Variants in STK3 observed in about 807,000 individuals in gnomAD.
The protein encoded by STK3 is serine/threonine-protein kinase 3.
Under a neutral mutation model 58.0 loss-of-function variants are expected in STK3, and 41 were observed. The ratio of observed to expected loss-of-function variants is 0.71; its 90% CI spans 0.55 to 0.92. The LOEUF (loss-of-function observed/expected upper bound fraction) is 0.92, where lower values mean the gene tolerates loss of function less well. Ranked by LOEUF, STK3 falls within the 40% of genes least tolerant of loss-of-function variation. The pLI is 0.00. For missense variants in STK3, 479 were observed against 602.7 expected (o/e 0.79, Z 2.15); for synonymous variants, 170 against 191.0 (o/e 0.89, Z 0.91).
chr8:98,777,167 G>T (rs1032570576), intron 1 of STK3, among the ~76,000 whole-genome samples: 5 of 152,124 alleles, frequency 3.3e-5, no homozygotes, highest in African/African-American at 4.8e-5. Flanking sequence ...TGGAAGAAAT[G>T]GATATCAAAT....
At chr8:98,586,836 G>A (rs1245347462) in intron 7 of STK3, among the ~76,000 whole-genome samples, 3 of 151,926 alleles carry the variant, frequency 2.0e-5, no homozygotes, top group Non-Finnish European at 2.9e-5. Flanking sequence ...GAGAGTGTAT[G>A]TGTCGAGGAA....
chr8:98,440,439 C>T (rs1369774894), intron 1 of STK3, among the ~76,000 whole-genome samples: 1 of 152,202 alleles, frequency 6.6e-6, no homozygotes, highest in Non-Finnish European at 1.5e-5. Flanking sequence ...ACCATCACCA[C>T]CATCCAATTC....
At chr8:98,855,879 G>A (rs974353577) in intron 3 of STK3, among the ~76,000 whole-genome samples, 5 of 151,860 alleles carry the variant, frequency 3.3e-5, no homozygotes, top group African/African-American at 9.7e-5. Flanking sequence ...AAATTAGGCC[G>A]GGCATGGTGG....
intron 10 of STK3, among the ~76,000 whole-genome samples, chr8:98,477,414 A>G (rs1821410139): frequency 1.3e-5 from 2 of 151,922 alleles, no homozygotes; most frequent in Non-Finnish European, 2.9e-5. Flanking sequence ...CCTACAACAC[A>G]TACATATCCT....
intron 1 of STK3, among the ~76,000 whole-genome samples, chr8:98,379,564 C>T (rs189133627): frequency 1.3e-5 from 2 of 152,316 alleles, no homozygotes; most frequent in East Asian, 3.9e-4. Flanking sequence ...TCCCCAACCC[C>T]ACTCCTTCTT....
At chr8:98,475,702 T>C (rs1023850840) in intron 10 of STK3, among the ~76,000 whole-genome samples, 25 of 152,232 alleles carry the variant, frequency 1.6e-4, no homozygotes, top group African/African-American at 5.3e-4. Flanking sequence ...AAAGTCAGCA[T>C]CAAGTTTAAA....
intron 3 of STK3, among the ~76,000 whole-genome samples, chr8:98,409,079 T>C (rs1818028439): frequency 6.6e-6 from 1 of 152,276 alleles, no homozygotes; most frequent in South Asian, 2.1e-4. Context: ...ATCTCTCAAC[T>C]GGAAATGGTC....
intron 1 of STK3, among the ~76,000 whole-genome samples, chr8:98,893,478 G>GAA (rs1564087186): frequency 3.1e-5 from 2 of 65,218 alleles, no homozygotes; most frequent in African/African-American, 1.5e-4. Flanking sequence ...AAGAAAGAAA[G>GAA]AAAGAAAGAG....
chr8:98,748,637 A>T (rs1829784924), intron 4 of STK3, among the ~76,000 whole-genome samples: 1 of 152,042 alleles, frequency 6.6e-6, no homozygotes, highest in Non-Finnish European at 1.5e-5. Flanking sequence ...ACTTTGGTCC[A>T]TACAAATTGT....
intron 4 of STK3, among the ~76,000 whole-genome samples, chr8:98,711,964 A>AG (rs1491185031): frequency 6.6e-6 from 1 of 152,184 alleles, no homozygotes; most frequent in Non-Finnish European, 1.5e-5. Flanking sequence ...GCCAGAAGAC[A>AG]GGGGGGCCAA....
At chr8:98,417,329 A>G (rs1003363287) in intron 3 of STK3, among the ~76,000 whole-genome samples, 1 of 152,142 alleles carries the variant, frequency 6.6e-6, no homozygotes, top group Non-Finnish European at 1.5e-5. Flanking sequence ...CCTGGCCAGC[A>G]TGGTGAAACC....
chr8:98,568,428 GAA>G (rs1031942081), intron 8 of STK3, among the ~76,000 whole-genome samples: 30 of 152,208 alleles, frequency 2.0e-4, no homozygotes, highest in Non-Finnish European at 4.4e-4. Flanking sequence ...CTTGCAAAGA[GAA>G]AAGTCACAAG....
intron 4 of STK3, among the ~76,000 whole-genome samples, chr8:98,739,216 G>A (rs1453789208): frequency 1.3e-5 from 2 of 152,236 alleles, no homozygotes; most frequent in Non-Finnish European, 2.9e-5. Context: ...AAATGTCCCT[G>A]TCTGAACAGC....
At chr8:98,643,266 ACTTAC>A (rs1820160307) in intron 6 of STK3, among the ~76,000 whole-genome samples, 1 of 152,030 alleles carries the variant, frequency 6.6e-6, no homozygotes, top group Non-Finnish European at 1.5e-5. Flanking sequence ...CAAAAAATAA[ACTTAC>A]CTTGAGATCT....
At chr8:98,442,898 A>G (rs959053748) in intron 1 of STK3, among the ~76,000 whole-genome samples, 1 of 152,096 alleles carries the variant, frequency 6.6e-6, no homozygotes, top group African/African-American at 2.4e-5. Context: ...GGAAGTCCTG[A>G]GACTATTAAG....
At chr8:98,914,735 G>A (rs1229594689) in intron 1 of STK3, among the ~76,000 whole-genome samples, 1 of 152,198 alleles carries the variant, frequency 6.6e-6, no homozygotes, top group East Asian at 1.9e-4. Context: ...GGGCATGTAA[G>A]AGCTAAACGT....
intron 6 of STK3, among the ~76,000 whole-genome samples, chr8:98,620,324 G>A (rs1168115712): frequency 1.6e-5 from 2 of 125,204 alleles, no homozygotes; most frequent in African/African-American, 3.0e-5. Flanking sequence ...GGTGGGGTGA[G>A]GGGAGGGGGG....
At chr8:98,646,989 C>G (rs1055247817) in intron 6 of STK3, among the ~76,000 whole-genome samples, 1 of 152,144 alleles carries the variant, frequency 6.6e-6, no homozygotes, top group African/African-American at 2.4e-5. Flanking sequence ...GATCTTATCA[C>G]TCTGCTGCTC....
At chr8:98,890,305 T>A (rs1402394962) in intron 1 of STK3, among the ~76,000 whole-genome samples, 1 of 152,216 alleles carries the variant, frequency 6.6e-6, no homozygotes, top group East Asian at 1.9e-4. Flanking sequence ...GGTAAAAGTA[T>A]AATCCCCAAC....
Sources: gnomAD v4.1 joint callset for allele counts (sites outside exome capture counted in the v4.1 genomes callset) on GRCh38, gnomAD v4.1.1 for gene constraint, MANE v1.5 for transcripts, NCBI Gene and HGNC (gene_info 2026-07-23, HGNC 2026-07-21) for gene names.